Variants in FBXO4 observed in about 807,000 individuals in gnomAD.
FBXO4 encodes F-box protein 4.
In FBXO4, 36 loss-of-function variants were observed where a neutral mutation model predicts 43.7. That is an observed-to-expected ratio of 0.82 (90% CI 0.63 to 1.09). The LOEUF is 1.09. Ranked by LOEUF, FBXO4 falls within the 50% of genes least tolerant of loss-of-function variation. The pLI, the probability that FBXO4 is intolerant of heterozygous loss-of-function variation, is 0.00. For synonymous variants in FBXO4, 180 were observed against 165.6 expected (o/e 1.09, Z -0.67); for missense variants, 435 against 474.1 (o/e 0.92, Z 0.77).
chr5:41,939,662 T>C, intron 6 of FBXO4, 46 bp downstream of exon 6: 2 of 1,436,310 alleles, frequency 1.4e-6, no homozygotes, highest in Non-Finnish European at 1.9e-6. Context: ...TTTTGCACTC[T>C]ATTTTCTATT....
the FBXO4 span, among the ~76,000 whole-genome samples, chr5:42,036,913 A>C: frequency 1.3e-5 from 2 of 152,058 alleles, no homozygotes; most frequent in Non-Finnish European, 2.9e-5. Context: ...TGTCTAGGGA[A>C]TACTTGGTGG....
downstream of FBXO4, among the ~76,000 whole-genome samples, chr5:41,945,462 C>G (rs1004742278): frequency 1.3e-5 from 2 of 152,228 alleles, no homozygotes; most frequent in Non-Finnish European, 2.9e-5. Context: ...ATGAAATGCT[C>G]CTGATTATTG....
chr5:42,018,086 T>C, the FBXO4 span, among the ~76,000 whole-genome samples: 1 of 150,868 alleles, frequency 6.6e-6, no homozygotes, highest in Non-Finnish European at 1.5e-5. Context: ...AATGATTGAT[T>C]AAAATGATAA....
chr5:41,984,745 G>A, the FBXO4 span, among the ~76,000 whole-genome samples: 1 of 152,032 alleles, frequency 6.6e-6, no homozygotes, highest in East Asian at 1.9e-4. Context: ...TCCTGACCTC[G>A]AGTGATTCGC....
chr5:42,025,672 G>GATTTAAGATCTAAGATCA, the FBXO4 span, among the ~76,000 whole-genome samples: 1 of 151,834 alleles, frequency 6.6e-6, no homozygotes, highest in Admixed American at 6.6e-5. Context: ...TTCATAGTGT[G>GATTTAAGATCTAAGATCA]AGGTCTTAGA....
At chr5:41,955,197 G>A in the FBXO4 span, among the ~76,000 whole-genome samples, 58 of 152,100 alleles carry the variant, frequency 3.8e-4, no homozygotes, top group African/African-American at 1.3e-3. Context: ...CACAAAATTC[G>A]TACCTTTTAT....
chr5:41,941,897 A>G (rs1260700649), downstream of FBXO4, among the ~76,000 whole-genome samples: 1 of 152,164 alleles, frequency 6.6e-6, no homozygotes, highest in African/African-American at 2.4e-5. Context: ...GCAAGCTCAT[A>G]AGATACTAAA....
the FBXO4 span, among the ~76,000 whole-genome samples, chr5:41,965,062 A>G: frequency 1.3e-5 from 2 of 152,192 alleles, no homozygotes; most frequent in Admixed American, 1.3e-4. Context: ...ATTTTTGTAT[A>G]AGGTGTAAGG....
chr5:41,965,077 G>T, the FBXO4 span, among the ~76,000 whole-genome samples: 1 of 152,164 alleles, frequency 6.6e-6, no homozygotes, highest in Non-Finnish European at 1.5e-5. Flanking sequence ...GTAAGGAAGG[G>T]ATCCAGTTTC....
At chr5:41,987,800 T>C in the FBXO4 span, among the ~76,000 whole-genome samples, 1,761 of 152,328 alleles carry the variant, frequency 0.012, 77 homozygotes, top group Admixed American at 0.074. Flanking sequence ...TCTATTACAG[T>C]ATTTTTAATC....
the FBXO4 span, among the ~76,000 whole-genome samples, chr5:42,003,794 A>G: frequency 6.6e-6 from 1 of 151,500 alleles, no homozygotes; most frequent in Admixed American, 6.6e-5. Context: ...TTGCTAGTTC[A>G]ACCATTGTGG....
chr5:42,023,044 T>C, the FBXO4 span, among the ~76,000 whole-genome samples: 645 of 152,154 alleles, frequency 4.2e-3, 3 homozygotes, highest in Admixed American at 4.8e-3. Flanking sequence ...TAAAGAACAA[T>C]GTTCTTATCT....
At chr5:41,963,052 C>A in the FBXO4 span, among the ~76,000 whole-genome samples, 1 of 152,110 alleles carries the variant, frequency 6.6e-6, no homozygotes, top group Non-Finnish European at 1.5e-5. Flanking sequence ...CATGACTTTA[C>A]ATATTATCTG....
the FBXO4 span, among the ~76,000 whole-genome samples, chr5:42,017,470 G>T: frequency 1.3e-5 from 2 of 151,236 alleles, no homozygotes; most frequent in Non-Finnish European, 2.9e-5. Context: ...TAGCTTTGGA[G>T]GTACATGTGC....
chr5:41,940,326 AT>A, intron 6 of FBXO4, among the ~76,000 whole-genome samples: 1 of 152,012 alleles, frequency 6.6e-6, no homozygotes, highest in East Asian at 1.9e-4. Flanking sequence ...CAGTGGTGCA[AT>A]TTTGGCTCAC....
the FBXO4 span, chr5:41,951,196 G>T: frequency 6.3e-6 from 1 of 157,828 alleles, no homozygotes; most frequent in East Asian, 1.9e-4. Flanking sequence ...GTGTACCCCA[G>T]AACTTAAAGT....
intron 3 of FBXO4, chr5:41,930,256 T>C (rs1334682409): frequency 5.3e-6 from 1 of 186,944 alleles, no homozygotes; most frequent in Non-Finnish European, 1.1e-5. Flanking sequence ...TATTTTGATA[T>C]GTATTGGAAT....
the FBXO4 span, among the ~76,000 whole-genome samples, chr5:41,983,393 A>ATTTCTGTCAACTTTAGCAT: frequency 6.7e-6 from 1 of 148,704 alleles, no homozygotes; most frequent in Non-Finnish European, 1.5e-5. Flanking sequence ...TGTCAACTTT[A>ATTTCTGTCAACTTTAGCAT]TTTCTGTCAA....
chr5:42,018,042 C>T, the FBXO4 span, among the ~76,000 whole-genome samples: 8 of 151,236 alleles, frequency 5.3e-5, no homozygotes, highest in Admixed American at 2.6e-4. Flanking sequence ...AAAACCAGAA[C>T]CTCAATGGGA....
Sources: allele counts gnomAD v4.1 joint callset (sites outside exome capture counted in the v4.1 genomes callset), GRCh38; gene constraint gnomAD v4.1.1; transcripts MANE v1.5; gene names NCBI Gene and HGNC (gene_info 2026-07-23, HGNC 2026-07-21).